SYTL3: variants seen among roughly 807,000 people sequenced by gnomAD.
The protein encoded by SYTL3 is synaptotagmin like 3, also known as synaptotagmin-like protein 3.
Under a neutral mutation model 82.1 loss-of-function variants are expected in SYTL3, and 88 were observed. That is an observed-to-expected ratio of 1.07 (90% CI 0.90 to 1.28). The LOEUF (loss-of-function observed/expected upper bound fraction) is 1.28, where lower values mean the gene tolerates loss of function less well. Among genes scored for constraint, SYTL3 ranks in the 50% most tolerant of loss-of-function variants. The pLI, the probability that SYTL3 is intolerant of heterozygous loss-of-function variation, is 0.00. For synonymous variants in SYTL3, 311 were observed against 289.4 expected, an observed-to-expected ratio of 1.07 and a Z score of -0.76; for missense variants, 831 against 757.6, an observed-to-expected ratio of 1.10 and a Z score of -1.14.
At chr6:158,763,202 T>C in intron 16 of SYTL3, 102 bp from the exon 17 acceptor site, 1 of 1,116,594 alleles carries the variant, frequency 9.0e-7, no homozygotes, top group South Asian at 1.3e-5. Flanking sequence ...TGTTGTGGAC[T>C]TGGCACTTTT....
At chr6:158,671,093 G>C (rs79564705) in intron 5 of SYTL3, among the ~76,000 whole-genome samples, 57,812 of 151,744 alleles carry the variant, frequency 0.38, 14,013 homozygotes, top group East Asian at 0.77. Flanking sequence ...CGTGAGCCAC[G>C]GCGCCCGGCC....
chr6:158,752,497 G>T (rs182877254), intron 13 of SYTL3, among the ~76,000 whole-genome samples: 196 of 152,202 alleles, frequency 1.3e-3, no homozygotes, highest in Non-Finnish European at 1.3e-3. Flanking sequence ...TTTTTTAAAT[G>T]AATCCTTTTA....
At chr6:158,759,310 C>T (rs1789583228) in intron 14 of SYTL3, among the ~76,000 whole-genome samples, 1 of 152,240 alleles carries the variant, frequency 6.6e-6, no homozygotes, top group Non-Finnish European at 1.5e-5. Context: ...CCCCTGGGCT[C>T]TGTTCCGCCT....
rs574231424 is a variant in SYTL3 at position 158,761,215 on chromosome 6, A to G, written c.1414+470A>G. 4.7e-5 allele frequency among the ~76,000 whole-genome samples: 7 copies of G among 150,364 alleles called. No homozygotes were observed. In the South Asian group the frequency reaches 8.4e-4, roughly 18 times the overall value. ...TCCTCAGGGACCCTATGGAGATTTT[A>G]CTCCTTCAATAACGTGGGGCGTGTG... On this transcript the variant is annotated intron_variant, in intron 15 of 17. Transcript: ENST00000611299.
At chr6:158,742,016 T>C (rs1487655773) in intron 11 of SYTL3, among the ~76,000 whole-genome samples, 5 of 152,268 alleles carry the variant, frequency 3.3e-5, no homozygotes, top group Non-Finnish European at 7.3e-5. Context: ...TACTGCACTG[T>C]ATGTTTTGCT....
Position 158,693,855 on chromosome 6 carries a change from C to CTTTTCTTTTCTTTTTTTT in SYTL3, c.394+10870_394+10871insCTTTTCTTTTTTTTTTTT, listed in dbSNP as rs71030191. Among the ~76,000 whole-genome samples the CTTTTCTTTTCTTTTTTTT allele has an allele frequency of 3.3e-4, 32 of 96,860 alleles. 3 individuals are homozygous for CTTTTCTTTTCTTTTTTTT. The highest frequency in any genetic ancestry group is 1.1e-3 in the African/African-American group (21 of 18,620). 63.5% of individuals were successfully genotyped at this position (96,860 alleles called of 152,430 possible). ...TGCATCCAGCCTTTCTTTTTCTTTTCTTTTTTTTTTTTTTTTTTGTAGATA... is the reference window on the plus strand; with the variant it reads ...TGCATCCAGCCTTTCTTTTTCTTTTCTTTTCTTTTCTTTTTTTTTTTTTTTTTTTTTTTTTTGTAGATA... On this transcript the variant is annotated intron_variant, in intron 6 of 17. Coordinates refer to ENST00000611299, the MANE Select transcript of SYTL3 (RefSeq NM_001242394.2).
intron 10 of SYTL3, 113 bp downstream of exon 10, chr6:158,718,324 G>A: frequency 2.5e-6 from 3 of 1,215,824 alleles, no homozygotes; most frequent in Non-Finnish European, 3.2e-6. Flanking sequence ...TAGAAAAACA[G>A]TAAGCCATCA....
chr6:158,673,147 T>G (rs1020055586), intron 5 of SYTL3, among the ~76,000 whole-genome samples: 2 of 152,154 alleles, frequency 1.3e-5, no homozygotes, highest in African/African-American at 4.8e-5. Context: ...AGGCTGGTCT[T>G]GAACTCCTAG....
chr6:158,691,756 A>G (rs958791991), intron 6 of SYTL3, among the ~76,000 whole-genome samples: 3 of 150,944 alleles, frequency 2.0e-5, no homozygotes, highest in Non-Finnish European at 4.4e-5. Flanking sequence ...GGTTCACGCC[A>G]TTCTCCTGCC....
intron 10 of SYTL3, among the ~76,000 whole-genome samples, chr6:158,721,163 A>G (rs1195991992): frequency 2.0e-5 from 3 of 152,074 alleles, no homozygotes; most frequent in Non-Finnish European, 4.4e-5. Context: ...AACGCTTCCA[A>G]CTTTCTGCAG....
At position 158,761,306 on chromosome 6, in the gene SYTL3, T is replaced by TC. The variant is rs1554267921; in HGVS notation, c.1414+561_1414+562insC. Among the ~76,000 whole-genome samples the TC allele has an allele frequency of 7.5e-4, 100 of 133,656 alleles. 3 individuals carry two copies. The highest frequency in any genetic ancestry group is 2.4e-3 in the African/African-American group (85 of 35,306). 87.7% of individuals were successfully genotyped at this position (133,656 alleles called of 152,430 possible). On this transcript the variant is annotated intron_variant, in intron 15 of 17. Coordinates refer to ENST00000611299, the MANE Select transcript of SYTL3 (RefSeq NM_001242394.2). ...GACTGGGAGAATGCACATTTCTTTT[T>TC]TTTTTTTTTTTTTTGAGACAGAGTT...
intron 6 of SYTL3, among the ~76,000 whole-genome samples, chr6:158,694,369 C>G (rs1057310058): frequency 6.6e-6 from 1 of 151,582 alleles, no homozygotes; most frequent in Non-Finnish European, 1.5e-5. Flanking sequence ...GATATTGGCT[C>G]GCTGCAACCT....
At chr6:158,693,428 C>A (rs1391292114) in intron 6 of SYTL3, among the ~76,000 whole-genome samples, 3 of 152,160 alleles carry the variant, frequency 2.0e-5, no homozygotes, top group Non-Finnish European at 4.4e-5. Context: ...CACTCTGTCA[C>A]CCAGGCTGGA....
At position 158,693,855 on chromosome 6, in the gene SYTL3, C is replaced by CTTTTCTTTTCTTTTCTTTTTTT. The variant is rs71030191; in HGVS notation, c.394+10870_394+10871insCTTTTCTTTTCTTTTTTTTTTT. 1.1e-3 allele frequency among the ~76,000 whole-genome samples: 103 copies of CTTTTCTTTTCTTTTCTTTTTTT among 96,830 alleles called. 3 individuals carry two copies. Among genetic ancestry groups the CTTTTCTTTTCTTTTCTTTTTTT allele is most frequent in the Non-Finnish European group, 1.6e-3 (82 of 52,698 alleles). The allele number at this position is 96,830 out of a possible 152,430, so 63.5% of individuals were successfully genotyped here. On this transcript the variant is annotated intron_variant, in intron 6 of 17. Transcript: ENST00000611299. The stretch of plus-strand genomic sequence containing the variant: ...TGCATCCAGCCTTTCTTTTTCTTTT[C>CTTTTCTTTTCTTTTCTTTTTTT]TTTTTTTTTTTTTTTTTTGTAGATA...
At chr6:158,669,618 G>A (rs1777136201) in intron 5 of SYTL3, among the ~76,000 whole-genome samples, 1 of 152,228 alleles carries the variant, frequency 6.6e-6, no homozygotes, top group Non-Finnish European at 1.5e-5. Flanking sequence ...GCTCAAATTT[G>A]TCTCTTGTAC....
At chr6:158,663,600 T>C in intron 4 of SYTL3, 3 of 985,274 alleles carry the variant, frequency 3.0e-6, no homozygotes, top group Non-Finnish European at 3.6e-6. Context: ...GCTCTTGTTA[T>C]TCATTTAAAA....
chr6:158,665,484 A>G lies in SYTL3; in HGVS notation c.200A>G (p.Gln67Arg), dbSNP rs1359502238. ...EHKEKCCARC[Q>R]QVLGFLLHRG... Reference sequence around the variant, plus strand: ...AAAGAGAAGTGCTGTGCGCGCTGCCAGCAGGTGCTGGGGTTCCTGCTGCAC... The same window carrying G: ...AAAGAGAAGTGCTGTGCGCGCTGCCGGCAGGTGCTGGGGTTCCTGCTGCAC... Residue 67 changes from glutamine (Q) to arginine (R), a missense_variant, in exon 5 of 18, where the codon CAG (glutamine) becomes CGG (arginine). Physicochemically the swap from Gln to Arg is conservative, Grantham distance 43. Coordinates refer to ENST00000611299, the MANE Select transcript of SYTL3 (RefSeq NM_001242394.2). 3.7e-6 allele frequency: 6 copies of G among 1,606,458 alleles called. No homozygotes were observed. The highest frequency in any genetic ancestry group is 4.2e-6 in the Non-Finnish European group (5 of 1,176,790).
intron 5 of SYTL3, among the ~76,000 whole-genome samples, chr6:158,669,783 A>C (rs143760228): frequency 6.6e-6 from 1 of 152,326 alleles, no homozygotes; most frequent in African/African-American, 2.4e-5. Flanking sequence ...GGAATTTATC[A>C]AAAGGGAGGT....
intron 12 of SYTL3, 145 bp from the exon 13 acceptor site, chr6:158,751,783 A>G (rs778888809): frequency 8.4e-6 from 5 of 594,396 alleles, no homozygotes; most frequent in Non-Finnish European, 1.5e-5. Context: ...CTATTAGGCT[A>G]TTAAGTCCTT....
Sources: allele counts gnomAD v4.1 joint callset (sites outside exome capture counted in the v4.1 genomes callset), GRCh38; gene constraint gnomAD v4.1.1; transcripts MANE v1.5; gene names NCBI Gene and HGNC (gene_info 2026-07-23, HGNC 2026-07-21).